RSPH14: variants seen among roughly 807,000 people sequenced by gnomAD.
RSPH14 encodes radial spoke head 14 homolog.
RSPH14 carries 20 observed loss-of-function variants against 26.7 expected under a neutral mutation model. That is an observed-to-expected ratio of 0.75 (90% CI 0.53 to 1.09). The LOEUF (loss-of-function observed/expected upper bound fraction) is 1.09, where lower values mean the gene tolerates loss of function less well. Among genes scored for constraint, RSPH14 ranks in the 50% least tolerant of loss-of-function variants. The pLI is 0.00. For synonymous variants in RSPH14, 177 were observed against 189.3 expected (o/e 0.93, Z 0.53); for missense variants, 449 against 457.2 (o/e 0.98, Z 0.16).
intron 4 of RSPH14, among the ~76,000 whole-genome samples, chr22:23,099,788 C>A (rs987574857): frequency 6.6e-6 from 1 of 152,236 alleles, no homozygotes; most frequent in Non-Finnish European, 1.5e-5. Context: ...AGTGGAGAAG[C>A]TGGCACCTAC....
At chr22:23,170,571 A>G in the RSPH14 span, among the ~76,000 whole-genome samples, 32 of 112,452 alleles carry the variant, frequency 2.8e-4, no homozygotes, top group Admixed American at 6.4e-4. Flanking sequence ...CAACATGGTG[A>G]AAAAAAAACA....
At chr22:23,158,040 C>T in the RSPH14 span, 1 of 1,614,138 alleles carries the variant, frequency 6.2e-7, no homozygotes, top group Non-Finnish European at 8.5e-7. Context: ...CTGGAGCATA[C>T]CAGGTAAGTC....
In RSPH14 at chr22:23,071,128, G is replaced by C. The variant is rs992130420; in HGVS notation, c.422-6995C>G. Reference sequence around the variant, plus strand: ...CTTGCAGCGAGCAGGTTCCTCACAGGCATTTAGAGGAAGAGATGAGTATCG... The same window carrying C: ...CTTGCAGCGAGCAGGTTCCTCACAGCCATTTAGAGGAAGAGATGAGTATCG... On this transcript the variant is annotated intron_variant, in intron 4 of 6. Transcript: ENST00000216036. The surrounding 1 kb of genome is among the most constrained non-coding windows in gnomAD (Gnocchi z 4.1). Among the ~76,000 whole-genome samples the C allele has an allele frequency of 2.0e-5, 3 of 152,194 alleles. No homozygotes were observed. The highest frequency in any genetic ancestry group is 7.2e-5 in the African/African-American group (3 of 41,446).
intron 4 of RSPH14, among the ~76,000 whole-genome samples, chr22:23,110,007 C>T (rs1601818947): frequency 6.6e-6 from 1 of 152,208 alleles, no homozygotes; most frequent in East Asian, 1.9e-4. Flanking sequence ...GTCAAGGTAG[C>T]ATTGAGGTTT....
At chr22:23,073,680 T>A (rs1008681583) in intron 4 of RSPH14, among the ~76,000 whole-genome samples, 1 of 152,048 alleles carries the variant, frequency 6.6e-6, no homozygotes, top group African/African-American at 2.4e-5. Flanking sequence ...CTAGAGCACA[T>A]AGGAGGAGAC....
intron 5 of RSPH14, among the ~76,000 whole-genome samples, chr22:23,062,250 A>AG (rs1469304905): frequency 6.6e-6 from 1 of 152,226 alleles, no homozygotes; most frequent in Non-Finnish European, 1.5e-5. Flanking sequence ...AGCAGGACCC[A>AG]GGGGTGTCAA....
At chr22:23,070,121 G>A (rs1248881293) in intron 4 of RSPH14, among the ~76,000 whole-genome samples, 3 of 151,996 alleles carry the variant, frequency 2.0e-5, no homozygotes, top group Admixed American at 6.6e-5. Flanking sequence ...CGGCGCGCGC[G>A]GAGCTGCGAC....
chr22:23,089,252 C>T (rs547343627), intron 4 of RSPH14, among the ~76,000 whole-genome samples: 15 of 152,336 alleles, frequency 9.8e-5, no homozygotes, highest in African/African-American at 3.6e-4. Context: ...GTGACCTTGG[C>T]TGTGGGCTGT....
intron 5 of RSPH14, 110 bp from the exon 6 acceptor site, chr22:23,062,055 C>G (rs2068108714): frequency 6.3e-6 from 8 of 1,260,336 alleles, no homozygotes; most frequent in Middle Eastern, 2.0e-4. Context: ...GGGGCTACCC[C>G]AGGTAGTCCC....
chr22:23,064,311 AG>A, intron 4 of RSPH14, among the ~76,000 whole-genome samples, 178 bp from the exon 5 acceptor site: 1 of 152,232 alleles, frequency 6.6e-6, no homozygotes, highest in Non-Finnish European at 1.5e-5. Context: ...AGCGACCAGC[AG>A]GCAGCTGCAG....
At chr22:23,167,575 T>C in the RSPH14 span, among the ~76,000 whole-genome samples, 16 of 152,212 alleles carry the variant, frequency 1.1e-4, no homozygotes, top group African/African-American at 3.9e-4. Flanking sequence ...AACCTCACTC[T>C]CTGGAGGGAT....
At chr22:23,149,503 A>G (rs989719323), upstream of RSPH14, among the ~76,000 whole-genome samples, 1 of 152,198 alleles carries the variant, frequency 6.6e-6, no homozygotes, top group Non-Finnish European at 1.5e-5. Context: ...AGGCACATGT[A>G]TGCATGTTTT....
At chr22:23,176,430 C>A in the RSPH14 span, among the ~76,000 whole-genome samples, 1 of 152,334 alleles carries the variant, frequency 6.6e-6, no homozygotes, top group South Asian at 2.1e-4. Context: ...CACATCCTCA[C>A]CACCTGTTTC....
chr22:23,147,476 A>C (rs1245532214), upstream of RSPH14, among the ~76,000 whole-genome samples: 1 of 152,064 alleles, frequency 6.6e-6, no homozygotes, highest in Non-Finnish European at 1.5e-5. Context: ...GACCACAGGC[A>C]TGTGCTACCA....
At chr22:23,133,810 G>A (rs954743938) in intron 4 of RSPH14, 6 of 427,368 alleles carry the variant, frequency 1.4e-5, no homozygotes, top group Middle Eastern at 1.4e-3. Context: ...GGCTGGTGTC[G>A]AACTCCTGAC....
At chr22:23,124,959 G>A (rs2070141845) in intron 4 of RSPH14, 1 of 152,362 alleles carries the variant, frequency 6.6e-6, no homozygotes, top group Non-Finnish European at 1.5e-5. Flanking sequence ...GAGATGTACG[G>A]GGGAAAGAGA....
chr22:23,113,879 C>T (rs568026995), intron 4 of RSPH14, among the ~76,000 whole-genome samples: 91 of 152,370 alleles, frequency 6.0e-4, no homozygotes, highest in African/African-American at 2.1e-3. Flanking sequence ...CAGCCAAGGG[C>T]AGGCACCCGC....
At chr22:23,089,933 G>A in intron 4 of RSPH14, among the ~76,000 whole-genome samples, 1 of 152,170 alleles carries the variant, frequency 6.6e-6, no homozygotes, top group East Asian at 1.9e-4. Flanking sequence ...TCTGGCCTGA[G>A]CACAGCCCAC....
At chr22:23,172,818 C>G in the RSPH14 span, among the ~76,000 whole-genome samples, 5 of 145,218 alleles carry the variant, frequency 3.4e-5, no homozygotes, top group Non-Finnish European at 1.5e-5. Flanking sequence ...GGTGTGGTGG[C>G]AGGCGCCTGT....
Sources: allele counts gnomAD v4.1 joint callset (sites outside exome capture counted in the v4.1 genomes callset), GRCh38; gene constraint gnomAD v4.1.1; non-coding constraint Gnocchi (gnomAD v3.1); transcripts MANE v1.5; gene names NCBI Gene and HGNC (gene_info 2026-07-23, HGNC 2026-07-21).